MGAT5: variants seen among roughly 807,000 people sequenced by gnomAD.
MGAT5 encodes the protein alpha-1,6-mannosylglycoprotein 6-beta-N-acetylglucosaminyltransferase A.
Under a neutral mutation model 94.3 loss-of-function variants are expected in MGAT5, and 30 were observed. The ratio of observed to expected loss-of-function variants is 0.32; its 90% CI spans 0.24 to 0.43. The LOEUF is 0.43. Ranked by LOEUF, MGAT5 falls within the 20% of genes least tolerant of loss-of-function variation. MGAT5 has a pLI of 1.00. For missense variants in MGAT5, 691 were observed against 905.5 expected (o/e 0.76, Z 3.04); for synonymous variants, 310 against 322.9 (o/e 0.96, Z 0.43).
chr2:134,193,058 A>T (rs1679305417), intron 1 of MGAT5, among the ~76,000 whole-genome samples: 1 of 151,818 alleles, frequency 6.6e-6, no homozygotes, highest in Non-Finnish European at 1.5e-5. Flanking sequence ...AAAAACAGTA[A>T]TTTCACTTGG....
rs922926671 is a variant in MGAT5, at chr2:134,133,796, C to T, written c.-143+13505C>T. 4.6e-5 allele frequency among the ~76,000 whole-genome samples: 7 copies of T among 152,188 alleles called. No homozygotes were observed. In the South Asian group the frequency reaches 8.3e-4, roughly 18 times the overall value. On this transcript the variant is annotated intron_variant, in intron 1 of 16. Transcript: ENST00000409645. ...GCAGGCTTGGCGGTTGTTGATTGGT[C>T]GAAAAATGCAGGGTGAACATGGGAC...
At chr2:134,218,220 C>T (rs1680592710) in intron 1 of MGAT5, among the ~76,000 whole-genome samples, 1 of 152,198 alleles carries the variant, frequency 6.6e-6, no homozygotes. Context: ...CTTGTTGCAA[C>T]ACCATGTTTA....
chr2:134,262,649 G>A (rs1683410314), intron 1 of MGAT5, among the ~76,000 whole-genome samples: 1 of 152,222 alleles, frequency 6.6e-6, no homozygotes, highest in Non-Finnish European at 1.5e-5. Flanking sequence ...GCCTTCCAAA[G>A]TGCTGGGATT....
chr2:134,345,621 G>A (rs542239037), intron 8 of MGAT5, among the ~76,000 whole-genome samples: 2 of 152,132 alleles, frequency 1.3e-5, no homozygotes, highest in South Asian at 2.1e-4. Flanking sequence ...TTGGGACCAC[G>A]ATTTAATATT....
chr2:134,443,297 C>A (rs1489731422), intron 15 of MGAT5, among the ~76,000 whole-genome samples: 1 of 152,134 alleles, frequency 6.6e-6, no homozygotes, highest in Non-Finnish European at 1.5e-5. Context: ...TCAAGCAATT[C>A]TCACGCCTCA....
At chr2:134,187,032 G>A (rs1359076222) in intron 1 of MGAT5, among the ~76,000 whole-genome samples, 1 of 152,200 alleles carries the variant, frequency 6.6e-6, no homozygotes, top group Non-Finnish European at 1.5e-5. Flanking sequence ...CCGTGAGGAA[G>A]AGAGGGTACC....
intron 2 of MGAT5, among the ~76,000 whole-genome samples, chr2:134,288,584 A>G (rs1685155365): frequency 6.6e-6 from 1 of 152,172 alleles, no homozygotes; most frequent in South Asian, 2.1e-4. Flanking sequence ...CCATGTAAGT[A>G]TTTGCAAAGG....
intron 1 of MGAT5, among the ~76,000 whole-genome samples, chr2:134,185,444 A>G (rs1477371934): frequency 2.0e-5 from 3 of 152,228 alleles, no homozygotes; most frequent in Non-Finnish European, 2.9e-5. Flanking sequence ...GGAAAACATC[A>G]GTAAAAAAGA....
chr2:134,329,290 C>T (rs2105945334), intron 4 of MGAT5, among the ~76,000 whole-genome samples: 1 of 152,134 alleles, frequency 6.6e-6, no homozygotes, highest in South Asian at 2.1e-4. Context: ...GGGTTTTATT[C>T]TGAGAGCAAG....
At chr2:134,412,817 C>T in intron 11 of MGAT5, 52 bp from the exon 12 acceptor site, 1 of 1,596,352 alleles carries the variant, frequency 6.3e-7, no homozygotes, top group Non-Finnish European at 8.6e-7. Flanking sequence ...CCCGTCCTGC[C>T]TGATGGTCCT....
At chr2:134,327,067 G>A (rs1398727755) in intron 4 of MGAT5, among the ~76,000 whole-genome samples, 1 of 152,094 alleles carries the variant, frequency 6.6e-6, no homozygotes, top group East Asian at 1.9e-4. Flanking sequence ...GGTTCTATCT[G>A]AAGCATTTTT....
At chr2:134,294,592 C>T (rs997633553) in intron 2 of MGAT5, among the ~76,000 whole-genome samples, 7 of 152,106 alleles carry the variant, frequency 4.6e-5, no homozygotes, top group African/African-American at 1.2e-4. Flanking sequence ...CTTTCCTCCC[C>T]GTCTAATTAA....
At chr2:134,132,400 G>A (rs4600717) in intron 1 of MGAT5, among the ~76,000 whole-genome samples, 70,787 of 152,122 alleles carry the variant, frequency 0.47, 19,855 homozygotes, top group African/African-American at 0.78. Flanking sequence ...ATGGAAGTAG[G>A]TAACAGTAAG....
chr2:134,421,129 G>A (rs965573417), intron 12 of MGAT5, among the ~76,000 whole-genome samples: 1 of 152,172 alleles, frequency 6.6e-6, no homozygotes, highest in African/African-American at 2.4e-5. Context: ...ATGTTTTACT[G>A]GAGACTCTGA....
chr2:134,204,955 T>C lies in MGAT5; in HGVS notation c.-142-49307T>C, dbSNP rs150919498. Among the ~76,000 whole-genome samples the C allele has an allele frequency of 8.5e-5, 13 of 152,266 alleles. No individual in the cohort carries two copies. In the East Asian group the frequency reaches 2.3e-3, roughly 27 times the overall value. ...TAGGCTAGGGTGATAACTGAAAAGT[T>C]GCAGGTGAGGCTTCAGGGAAGGAAA... On this transcript the variant is annotated intron_variant, in intron 1 of 16. Coordinates refer to the MGAT5 transcript ENST00000409645.
chr2:134,402,492 A>G (rs1683110314), intron 10 of MGAT5, among the ~76,000 whole-genome samples: 1 of 152,218 alleles, frequency 6.6e-6, no homozygotes, highest in Admixed American at 6.5e-5. Context: ...AATCATCACT[A>G]GAAACATTGG....
At chr2:134,204,379 A>T (rs1385783630) in intron 1 of MGAT5, among the ~76,000 whole-genome samples, 2 of 152,284 alleles carry the variant, frequency 1.3e-5, no homozygotes, top group Non-Finnish European at 2.9e-5. Flanking sequence ...TTGGCTAATG[A>T]AATTAGCCAA....
intron 1 of MGAT5, among the ~76,000 whole-genome samples, chr2:134,214,384 C>T (rs1367935453): frequency 6.6e-6 from 1 of 152,218 alleles, no homozygotes; most frequent in East Asian, 1.9e-4. Context: ...AATCTTTTGG[C>T]TTCCCTCGAC....
chr2:134,179,655 A>T (rs374225095), intron 1 of MGAT5, among the ~76,000 whole-genome samples: 2 of 152,088 alleles, frequency 1.3e-5, no homozygotes, highest in African/African-American at 4.8e-5. Context: ...CTGGTCCCCA[A>T]CCCTTTATTC....
Sources: gnomAD v4.1 joint callset for allele counts (sites outside exome capture counted in the v4.1 genomes callset) on GRCh38, gnomAD v4.1.1 for gene constraint, MANE v1.5 for transcripts, NCBI Gene and HGNC (gene_info 2026-07-23, HGNC 2026-07-21) for gene names.